NLRP5: variants seen among roughly 807,000 people sequenced by gnomAD.
NLRP5 encodes the protein NACHT, LRR and PYD domains-containing protein 5.
Under a neutral mutation model 113.1 loss-of-function variants are expected in NLRP5, and 93 were observed. The ratio of observed to expected loss-of-function variants is 0.82; its 90% CI spans 0.70 to 0.98. The LOEUF is 0.98. NLRP5 is among the 50% of genes least tolerant of loss of function. NLRP5 has a pLI of 0.00. For missense variants in NLRP5, 1,808 were observed against 1,514.3 expected (o/e 1.19, Z -3.22); for synonymous variants, 751 against 600.7 (o/e 1.25, Z -3.66).
intron 1 of NLRP5, among the ~76,000 whole-genome samples, chr19:56,002,598 A>G (rs1981698700): frequency 6.7e-6 from 1 of 150,158 alleles, no homozygotes; most frequent in Admixed American, 6.7e-5. Flanking sequence ...TATATCTCCT[A>G]ATGCTATCGC....
At chr19:56,043,707 G>A (rs1188904970) in intron 11 of NLRP5, among the ~76,000 whole-genome samples, 1 of 150,786 alleles carries the variant, frequency 6.6e-6, no homozygotes, top group Non-Finnish European at 1.5e-5. Context: ...CTGGTAGCTG[G>A]GACTACAGGC....
In NLRP5 at chr19:56,026,982, G is replaced by A. The variant is rs1346639725; in HGVS notation, c.749G>A (p.Arg250His). ...AAATTCGCTGAGGAGGAGGATGTAC[G>A]TCGTAGTTTTGAAAACACTGCTGCT... The change falls in exon 7 of 15, where the codon CGT (arginine) becomes CAT (histidine). Residue 250 changes from arginine to histidine, a missense_variant. Physicochemically the swap from Arg to His is conservative, Grantham distance 29 (BLOSUM62 0). Coordinates refer to ENST00000390649, the MANE Select transcript of NLRP5 (RefSeq NM_153447.4). 1.7e-5 allele frequency: 26 copies of A among 1,551,744 alleles called. No individual in the cohort carries two copies. Among genetic ancestry groups the A allele is most frequent in the Middle Eastern group, 1.7e-4 (1 of 5,992 alleles).
chr19:56,028,094 C>T lies in NLRP5; in HGVS notation c.1861C>T (p.Leu621Phe), dbSNP rs760583600. ...TGAGAAGACAAAGAGGTCCATGGAG[C>T]TTAAACAGGCAGGCTTCCATATCCA... is the stretch of plus-strand genomic sequence containing the variant. Residue 621 changes from leucine to phenylalanine, a missense_variant, in exon 7 of 15, where the codon CTT becomes TTT. Transcript: ENST00000390649. The T allele has an allele frequency of 3.7e-6, 6 of 1,614,032 alleles. 1 individual carries two copies. The South Asian group carries it at 6.6e-5, about 18-fold the overall frequency.
At chr19:56,041,179 G>T in intron 11 of NLRP5, 87 bp downstream of exon 11, 1 of 1,312,798 alleles carries the variant, frequency 7.6e-7, no homozygotes, top group South Asian at 1.3e-5. Flanking sequence ...AGTGGGGAGG[G>T]GGTGTGGACA....
chr19:56,012,536 A>G (rs1481922291), intron 3 of NLRP5, among the ~76,000 whole-genome samples: 3 of 149,122 alleles, frequency 2.0e-5, no homozygotes, highest in Non-Finnish European at 4.4e-5. Context: ...ATAAACATGA[A>G]CCTATTACCA....
At chr19:56,009,373 T>C (rs1982092896) in intron 3 of NLRP5, among the ~76,000 whole-genome samples, 1 of 133,840 alleles carries the variant, frequency 7.5e-6, no homozygotes, top group Non-Finnish European at 1.6e-5. Flanking sequence ...TTCTGTGGTC[T>C]TCAGGCTTTC....
intron 7 of NLRP5, among the ~76,000 whole-genome samples, chr19:56,029,187 T>A (rs1384446891): frequency 6.6e-6 from 1 of 152,222 alleles, no homozygotes; most frequent in Non-Finnish European, 1.5e-5. Context: ...GCCACCAGCC[T>A]CATAAGCCTG....
chr19:56,061,635 T>A lies in NLRP5; in HGVS notation c.*107T>A, dbSNP rs1984359197. 1 of 1,218,420 alleles carries A rather than the reference T, an allele frequency of 8.2e-7. No homozygotes were observed. Among genetic ancestry groups the A allele is most frequent in the Admixed American group, 1.9e-5 (1 of 52,628 alleles). 75.5% of individuals were successfully genotyped at this position (1,218,420 alleles called of 1,614,324 possible). A position where few individuals can be genotyped will look rare whatever the true frequency, so the allele number is the denominator to read the frequency against. On this transcript the variant is annotated 3_prime_UTR_variant, in exon 15 of 15. Coordinates refer to ENST00000390649, the MANE Select transcript of NLRP5 (RefSeq NM_153447.4). ...GGAGTTCCTTCTCAAAGATGGAGAA[T>A]GATTTCTGATTCTCACAAAGCCCTC... is the stretch of plus-strand genomic sequence containing the variant.
At chr19:56,039,900 G>A (rs1029762352) in intron 10 of NLRP5, among the ~76,000 whole-genome samples, 27 of 151,850 alleles carry the variant, frequency 1.8e-4, no homozygotes, top group Admixed American at 1.6e-3. Flanking sequence ...GGCAACAAGC[G>A]CAAAACTCCA....
At chr19:56,006,827 C>T (rs1283984558) in intron 2 of NLRP5, among the ~76,000 whole-genome samples, 1 of 151,730 alleles carries the variant, frequency 6.6e-6, no homozygotes, top group Admixed American at 6.5e-5. Flanking sequence ...GCAAGCTCCG[C>T]CTTCCGGGTT....
At chr19:56,036,127 A>C (rs752028166) in intron 9 of NLRP5, among the ~76,000 whole-genome samples, 4 of 132,860 alleles carry the variant, frequency 3.0e-5, no homozygotes, top group Non-Finnish European at 6.1e-5. Context: ...GCAGTGGTGC[A>C]ATCTCGGCTC....
chr19:56,032,868 C>G, intron 8 of NLRP5, 87 bp downstream of exon 8: 1 of 1,319,828 alleles, frequency 7.6e-7, no homozygotes, highest in Non-Finnish European at 1.0e-6. Context: ...CATCTGAAGC[C>G]TTTCAAGTGC....
intron 4 of NLRP5, among the ~76,000 whole-genome samples, chr19:56,016,621 C>G (rs1439200895): frequency 2.0e-5 from 3 of 152,168 alleles, no homozygotes; most frequent in Admixed American, 6.5e-5. Flanking sequence ...CTCTGCCCCA[C>G]CAGCCTCTGG....
Position 56,061,381 on chromosome 19 carries a change from T to C in NLRP5, c.3471-15T>C. Reference sequence around the variant, plus strand: ...AGCAACATCTCAGTAACGAGTCCTCTCTCTGCCTCCCCAGGCTGTGGAAAT... The same window carrying C: ...AGCAACATCTCAGTAACGAGTCCTCCCTCTGCCTCCCCAGGCTGTGGAAAT... On this transcript the variant is annotated splice_polypyrimidine_tract_variant and intron_variant, in intron 14 of 14. Coordinates refer to ENST00000390649, the MANE Select transcript of NLRP5 (RefSeq NM_153447.4). 6.2e-7 allele frequency: 1 copy of C among 1,612,358 alleles called. No homozygotes were observed. The highest frequency in any genetic ancestry group is 8.5e-7 in the Non-Finnish European group (1 of 1,179,014).
rs1414563064 is a variant in NLRP5 at position 56,027,325 on chromosome 19, C to A, written c.1092C>A (p.Phe364Leu). 1 of 1,612,574 alleles carries A rather than the reference C, an allele frequency of 6.2e-7. No homozygotes were observed. The change falls in exon 7 of 15, where the codon TTC becomes TTA. Residue 364 changes from phenylalanine (F) to leucine (L), a missense_variant. Physicochemically the swap from Phe to Leu is conservative, Grantham distance 22. Transcript: ENST00000390649. Reference sequence around the variant, plus strand: ...GGCTGTTGTTCATCATTGACGGTTTCGATGACCTGGGCTCTGTCCTCAACA... The same window carrying A: ...GGCTGTTGTTCATCATTGACGGTTTAGATGACCTGGGCTCTGTCCTCAACA...
chr19:56,004,555 G>A (rs1981781844), intron 2 of NLRP5, among the ~76,000 whole-genome samples: 1 of 152,160 alleles, frequency 6.6e-6, no homozygotes, highest in African/African-American at 2.4e-5. Flanking sequence ...TAGTGGTTTG[G>A]TGCGAGTCTC....
chr19:56,041,805 C>T (rs774095388), intron 11 of NLRP5, among the ~76,000 whole-genome samples: 13 of 152,006 alleles, frequency 8.6e-5, no homozygotes, highest in Non-Finnish European at 1.2e-4. Flanking sequence ...AAAAATTAGC[C>T]GGGTGTGGTG....
At chr19:55,991,280 G>T in the NLRP5 span, among the ~76,000 whole-genome samples, 1 of 152,170 alleles carries the variant, frequency 6.6e-6, no homozygotes, top group South Asian at 2.1e-4. Context: ...CCCCGGAAAT[G>T]GTGACCTTCT....
intron 7 of NLRP5, among the ~76,000 whole-genome samples, chr19:56,028,757 G>A (rs941798802): frequency 4.6e-5 from 7 of 152,066 alleles, no homozygotes; most frequent in African/African-American, 1.7e-4. Flanking sequence ...TTGAAACCCA[G>A]GAATATGTGG....
Sources: allele counts gnomAD v4.1 joint callset (sites outside exome capture counted in the v4.1 genomes callset), GRCh38; gene constraint gnomAD v4.1.1; transcripts MANE v1.5; gene names NCBI Gene and HGNC (gene_info 2026-07-23, HGNC 2026-07-21).